Variants in PKHD1L1 observed in about 807,000 individuals in gnomAD.
PKHD1L1 encodes the protein fibrocystin-L.
Under a neutral mutation model 462.9 loss-of-function variants are expected in PKHD1L1, and 434 were observed. The ratio of observed to expected loss-of-function variants is 0.94; its 90% CI spans 0.87 to 1.02. The LOEUF (loss-of-function observed/expected upper bound fraction) is 1.02, where lower values mean the gene tolerates loss of function less well. PKHD1L1 is among the 50% of genes least tolerant of loss of function. The probability of loss-of-function intolerance (pLI) is 0.00; values close to 1 mark genes in which losing one functional copy is unlikely to be tolerated. For missense variants in PKHD1L1, 5,202 were observed against 5,096.1 expected, an observed-to-expected ratio of 1.02 and a Z score of -0.63; for synonymous variants, 1,781 against 1,750.0, an observed-to-expected ratio of 1.02 and a Z score of -0.44.
At chr8:109,429,175 G>A (rs1223233773) in intron 25 of PKHD1L1, among the ~76,000 whole-genome samples, 165 bp from the exon 26 acceptor site, 1 of 151,824 alleles carries the variant, frequency 6.6e-6, no homozygotes, top group African/African-American at 2.4e-5. Context: ...GTTCATTTTT[G>A]AAGAGGCTCC....
chr8:109,486,887 C>A, intron 59 of PKHD1L1, 66 bp downstream of exon 59: 1 of 1,390,280 alleles, frequency 7.2e-7, no homozygotes, highest in Non-Finnish European at 9.8e-7. Flanking sequence ...ATGTAGTCAG[C>A]TCTTACATAA....
intron 39 of PKHD1L1, 106 bp downstream of exon 39, chr8:109,448,497 G>GTT (rs767754593): frequency 8.1e-5 from 84 of 1,036,596 alleles, no homozygotes; most frequent in South Asian, 2.6e-4. Context: ...AAAATTTCTA[G>GTT]TGTTTTTTTT....
intron 11 of PKHD1L1, among the ~76,000 whole-genome samples, chr8:109,398,013 C>T (rs895971458): frequency 2.0e-5 from 3 of 151,002 alleles, no homozygotes; most frequent in Non-Finnish European, 4.4e-5. Flanking sequence ...TATTATCCCC[C>T]TTTTTTTTTC....
intron 25 of PKHD1L1, among the ~76,000 whole-genome samples, chr8:109,428,239 T>C (rs561871544): frequency 1.3e-5 from 2 of 152,234 alleles, no homozygotes; most frequent in East Asian, 3.9e-4. Context: ...TGAAATGATA[T>C]AGGCACAAAG....
At position 109,445,292 on chromosome 8, in the gene PKHD1L1, G is replaced by A. The variant is rs1314108751; in HGVS notation, c.5423G>A (p.Gly1808Glu). The A allele has an allele frequency of 3.1e-6, 5 of 1,613,866 alleles. No individual in the cohort carries two copies. The African/African-American group carries it at 5.3e-5, about 17-fold the overall frequency. ...GCTCTTGTGACTCCTCTCCCAGTTG[G>A]ACATCATTCTGTTAGTGTTGTGGTG... is the stretch of plus-strand genomic sequence containing the variant. ...ITALVTPLPV[G>E]HHSVSVVVGS... is the part of the protein sequence containing the mutation. The change falls in exon 38 of 78, where the codon GGA (glycine) becomes GAA (glutamate). Residue 1808 changes from glycine (G) to glutamate (E), a missense_variant. By Grantham distance (98) the Gly-to-Glu change is moderately conservative (BLOSUM62 -2). Transcript: ENST00000378402.
chr8:109,395,495 A>G (rs1812923223), intron 10 of PKHD1L1, among the ~76,000 whole-genome samples: 1 of 152,256 alleles, frequency 6.6e-6, no homozygotes, highest in Non-Finnish European at 1.5e-5. Context: ...TTCATATGTA[A>G]GAATACATAG....
At chr8:109,454,336 T>C (rs1404189563) in intron 44 of PKHD1L1, 90 bp downstream of exon 44, 3 of 854,320 alleles carry the variant, frequency 3.5e-6, no homozygotes, top group South Asian at 4.3e-5. Flanking sequence ...GTTAATTATA[T>C]CAACCTCTCC....
intron 47 of PKHD1L1, 144 bp downstream of exon 47, chr8:109,459,980 C>A: frequency 6.5e-6 from 4 of 619,320 alleles, no homozygotes; most frequent in South Asian, 5.3e-5. Context: ...TTATAAGATA[C>A]CATTAAATAT....
intron 1 of PKHD1L1, 118 bp from the exon 2 acceptor site, chr8:109,364,429 C>A: frequency 1.3e-6 from 1 of 752,970 alleles, no homozygotes; most frequent in Non-Finnish European, 2.2e-6. Flanking sequence ...ATTTTACTTT[C>A]AATCCTGTAA....
intron 67 of PKHD1L1, 113 bp from the exon 68 acceptor site, chr8:109,504,214 G>A: frequency 1.6e-6 from 1 of 621,786 alleles, no homozygotes; most frequent in Non-Finnish European, 2.6e-6. Flanking sequence ...TATCAGGCAA[G>A]AGCTCCATGT....
intron 29 of PKHD1L1, among the ~76,000 whole-genome samples, chr8:109,435,739 A>G (rs987133495): frequency 6.6e-6 from 1 of 152,220 alleles, no homozygotes; most frequent in Non-Finnish European, 1.5e-5. Flanking sequence ...AACTGGGGAA[A>G]GGAGGGCTAA....
intron 38 of PKHD1L1, 88 bp from the exon 39 acceptor site, chr8:109,448,055 T>C (rs1173851435): frequency 8.3e-7 from 1 of 1,199,908 alleles, no homozygotes; most frequent in African/African-American, 1.5e-5. Flanking sequence ...GTTATTCTTT[T>C]ATTTGTAAAA....
intron 2 of PKHD1L1, among the ~76,000 whole-genome samples, chr8:109,374,926 C>G (rs77652150): frequency 4.9e-4 from 74 of 152,258 alleles, no homozygotes; most frequent in Non-Finnish European, 9.4e-4. Context: ...CTCTAGCTGC[C>G]CTTAACATTT....
rs546223247 is a variant in PKHD1L1 at position 109,368,208 on chromosome 8, T to C, written c.163+3572T>C. 2.0e-5 allele frequency among the ~76,000 whole-genome samples: 3 copies of C among 152,352 alleles called. No homozygotes were observed. The East Asian group carries it at 5.8e-4, about 29-fold the overall frequency. On this transcript the variant is annotated intron_variant, in intron 2 of 77. Transcript: ENST00000378402. ...AGATGGGAGAAATAACATTTTACTTTTGGCTCCTTTTTCTAGCTATTTCCC... is the reference window on the plus strand; with the variant it reads ...AGATGGGAGAAATAACATTTTACTTCTGGCTCCTTTTTCTAGCTATTTCCC...
At chr8:109,407,188 T>C (rs541797061) in intron 17 of PKHD1L1, among the ~76,000 whole-genome samples, 30 of 152,298 alleles carry the variant, frequency 2.0e-4, no homozygotes, top group Non-Finnish European at 3.5e-4. Flanking sequence ...TGTTTTTCAA[T>C]ATGTAAGTAA....
In PKHD1L1 at chr8:109,363,939, CA is replaced by C. The variant is rs559522813; in HGVS notation, c.74-607del. The stretch of plus-strand genomic sequence containing the variant: ...CCTTTGGAAAGTTAGGACTGTTACA[CA>C]TTTATGTATCTCCAGGAAGCTAACA... On this transcript the variant is annotated intron_variant, in intron 1 of 77. Coordinates refer to ENST00000378402, the MANE Select transcript of PKHD1L1 (RefSeq NM_177531.6). Among the ~76,000 whole-genome samples, 3 of 152,264 alleles carry C rather than the reference CA, an allele frequency of 2.0e-5. No homozygotes were observed. In the East Asian group the frequency reaches 5.8e-4, roughly 29 times the overall value.
chr8:109,447,966 CTG>C (rs1816246942), intron 38 of PKHD1L1, among the ~76,000 whole-genome samples, 175 bp from the exon 39 acceptor site: 1 of 151,978 alleles, frequency 6.6e-6, no homozygotes, highest in South Asian at 2.1e-4. Context: ...ATACAGTAGA[CTG>C]TAGGGTATAT....
chr8:109,503,282 A>C (rs1819522447), intron 67 of PKHD1L1, among the ~76,000 whole-genome samples: 1 of 856 alleles, frequency 1.2e-3, no homozygotes, highest in South Asian at 0.033. Context: ...CCCATCTCAA[A>C]AAACAAAAAA....
At chr8:109,490,946 G>T in intron 60 of PKHD1L1, 26 bp from the exon 61 acceptor site, 1 of 1,533,036 alleles carries the variant, frequency 6.5e-7, no homozygotes, top group Non-Finnish European at 8.8e-7. Context: ...TTTTAAAAAT[G>T]TTCTCTGTAT....
Sources: gnomAD v4.1 joint callset for allele counts (sites outside exome capture counted in the v4.1 genomes callset) on GRCh38, gnomAD v4.1.1 for gene constraint, MANE v1.5 for transcripts, NCBI Gene and HGNC (gene_info 2026-07-23, HGNC 2026-07-21) for gene names.